NALF1: variants seen among roughly 807,000 people sequenced by gnomAD.
NALF1 encodes NALCN channel auxiliary factor 1, also known as family with sequence similarity 155 member A.
Under a neutral mutation model 48.4 loss-of-function variants are expected in NALF1, and 3 were observed. The observed-to-expected ratio is 0.06, with a 90% CI of 0.03 to 0.16. NALF1 has a LOEUF of 0.16. Among genes scored for constraint, NALF1 ranks in the 10% least tolerant of loss-of-function variants. The probability of loss-of-function intolerance (pLI) is 1.00; values close to 1 mark genes in which losing one functional copy is unlikely to be tolerated. For synonymous variants in NALF1, 262 were observed against 245.7 expected (o/e 1.07, Z -0.62); for missense variants, 526 against 571.5 (o/e 0.92, Z 0.81).
chr13:107,397,676 G>C (rs985126966), intron 1 of NALF1, among the ~76,000 whole-genome samples: 5 of 151,936 alleles, frequency 3.3e-5, no homozygotes, highest in Non-Finnish European at 7.4e-5. Flanking sequence ...AGGGCCTTGA[G>C]TTCATCTCTT....
At chr13:107,684,225 AGCACCTCGCTCCTT>A (rs1881376386) in intron 1 of NALF1, among the ~76,000 whole-genome samples, 1 of 152,164 alleles carries the variant, frequency 6.6e-6, no homozygotes, top group Admixed American at 6.5e-5. Flanking sequence ...GGTGCAGGGG[AGCACCTCGCTCCTT>A]TCTGAATCTT....
rs529050293 is a variant in NALF1 at position 107,207,826 on chromosome 13, A to T, written c.1087+2758T>A. ...GTGTCTGGCTAGTTCTTTTATTTTT[A>T]ATTTTTTGTAGAGGCAGGGTCTTGC... On this transcript the variant is annotated intron_variant, in intron 2 of 2. Transcript: ENST00000375915. Among the ~76,000 whole-genome samples, 30 of 152,140 alleles carry T rather than the reference A, an allele frequency of 2.0e-4. 2 individuals carry two copies. The highest frequency in any genetic ancestry group is 2.6e-4 in the Non-Finnish European group (18 of 67,976).
chr13:107,384,464 GT>G (rs1387954906), intron 1 of NALF1, among the ~76,000 whole-genome samples: 2 of 151,900 alleles, frequency 1.3e-5, no homozygotes, highest in Non-Finnish European at 2.9e-5. Context: ...CTCCTTCAAA[GT>G]TTTATCTGGA....
intron 1 of NALF1, among the ~76,000 whole-genome samples, chr13:107,836,621 C>A (rs1334964998): frequency 6.6e-6 from 1 of 151,784 alleles, no homozygotes; most frequent in Non-Finnish European, 1.5e-5. Flanking sequence ...AAAGCAGAAT[C>A]CAATAATATT....
intron 1 of NALF1, among the ~76,000 whole-genome samples, chr13:107,313,940 A>T (rs767696772): frequency 6.6e-6 from 1 of 152,188 alleles, no homozygotes; most frequent in Non-Finnish European, 1.5e-5. Context: ...CCTTGGGTAC[A>T]TGTTGTCAGG....
At chr13:107,648,838 G>A (rs1880377770) in intron 1 of NALF1, among the ~76,000 whole-genome samples, 1 of 152,144 alleles carries the variant, frequency 6.6e-6, no homozygotes, top group Non-Finnish European at 1.5e-5. Flanking sequence ...ATCCTTGCCA[G>A]CATTTGCTGT....
At chr13:107,598,329 C>G (rs1453472213) in intron 1 of NALF1, among the ~76,000 whole-genome samples, 1 of 152,130 alleles carries the variant, frequency 6.6e-6, no homozygotes, top group Admixed American at 6.5e-5. Flanking sequence ...TCTTAATACA[C>G]GAGTAGCTCA....
chr13:107,352,099 A>T (rs1882887374), intron 1 of NALF1, among the ~76,000 whole-genome samples: 2 of 152,204 alleles, frequency 1.3e-5, no homozygotes, highest in South Asian at 4.1e-4. Context: ...CATGCATACA[A>T]ATTCGGTTGT....
chr13:107,560,635 C>A (rs1877617474), intron 1 of NALF1, among the ~76,000 whole-genome samples: 1 of 152,098 alleles, frequency 6.6e-6, no homozygotes, highest in Non-Finnish European at 1.5e-5. Flanking sequence ...TCTTTCTGCT[C>A]ATGTGTTTAT....
At chr13:107,689,982 T>C (rs1270058768) in intron 1 of NALF1, among the ~76,000 whole-genome samples, 1 of 152,226 alleles carries the variant, frequency 6.6e-6, no homozygotes, top group Non-Finnish European at 1.5e-5. Flanking sequence ...TAAGTGACAG[T>C]GAACAAATTA....
chr13:107,356,845 T>C (rs1324943538), intron 1 of NALF1, among the ~76,000 whole-genome samples: 1 of 152,222 alleles, frequency 6.6e-6, no homozygotes, highest in African/African-American at 2.4e-5. Flanking sequence ...TCAAAACAAT[T>C]GCCTAACTCA....
rs892510095 is a variant in NALF1, at chr13:107,764,450, C to T, written c.915+101232G>A. ...ATACATCTGTGTGTGTGTGTTTGTG[C>T]GTACGTATGTAGACAGAGAGAGAGA... is the stretch of plus-strand genomic sequence containing the variant. On this transcript the variant is annotated intron_variant, in intron 1 of 2. Coordinates refer to ENST00000375915, the MANE Select transcript of NALF1 (RefSeq NM_001080396.3). 4.0e-5 allele frequency among the ~76,000 whole-genome samples: 6 copies of T among 151,684 alleles called. No homozygotes were observed. The East Asian group carries it at 5.8e-4, about 15-fold the overall frequency.
chr13:107,718,864 A>G (rs563230162), intron 1 of NALF1, among the ~76,000 whole-genome samples: 1 of 152,328 alleles, frequency 6.6e-6, no homozygotes, highest in Admixed American at 6.5e-5. Flanking sequence ...CATTTCAAGC[A>G]CCTAATAGCC....
chr13:107,477,881 C>T (rs936756506), intron 1 of NALF1, among the ~76,000 whole-genome samples: 1 of 152,034 alleles, frequency 6.6e-6, no homozygotes, highest in African/African-American at 2.4e-5. Context: ...AAGTAATCAT[C>T]AAAGAAGATA....
At chr13:107,427,871 A>G (rs905858183) in intron 1 of NALF1, among the ~76,000 whole-genome samples, 1 of 152,234 alleles carries the variant, frequency 6.6e-6, no homozygotes, top group Non-Finnish European at 1.5e-5. Context: ...GATAAAAGCT[A>G]CCTCTAAAGT....
At chr13:107,767,936 G>C (rs1430676201) in intron 1 of NALF1, among the ~76,000 whole-genome samples, 1 of 152,162 alleles carries the variant, frequency 6.6e-6, no homozygotes, top group Non-Finnish European at 1.5e-5. Context: ...GAGACACGTT[G>C]AGAAAGTAAG....
chr13:107,315,587 T>C (rs1882131468), intron 1 of NALF1, among the ~76,000 whole-genome samples: 1 of 151,938 alleles, frequency 6.6e-6, no homozygotes, highest in African/African-American at 2.4e-5. Context: ...CTTTGTTGGG[T>C]TTTCCTTTTT....
intron 1 of NALF1, among the ~76,000 whole-genome samples, chr13:107,500,327 T>C (rs1875477958): frequency 6.6e-6 from 1 of 152,156 alleles, no homozygotes; most frequent in South Asian, 2.1e-4. Flanking sequence ...TTCAAGGTGT[T>C]GGCAGGTTAG....
intron 1 of NALF1, among the ~76,000 whole-genome samples, chr13:107,669,045 A>C (rs1880928375): frequency 6.6e-6 from 1 of 152,114 alleles, no homozygotes; most frequent in Non-Finnish European, 1.5e-5. Context: ...GCAAAACTTA[A>C]TTACATAATA....
Sources: gnomAD v4.1 joint callset for allele counts (sites outside exome capture counted in the v4.1 genomes callset) on GRCh38, gnomAD v4.1.1 for gene constraint, MANE v1.5 for transcripts, NCBI Gene and HGNC (gene_info 2026-07-23, HGNC 2026-07-21) for gene names.